BCAS3: variants seen among roughly 807,000 people sequenced by gnomAD.
BCAS3 encodes BCAS3 microtubule associated cell migration factor.
BCAS3 carries 53 observed loss-of-function variants against 116.1 expected under a neutral mutation model. The ratio of observed to expected loss-of-function variants is 0.46; its 90% CI spans 0.37 to 0.57. The LOEUF is 0.57. Ranked by LOEUF, BCAS3 falls within the 20% of genes least tolerant of loss-of-function variation. The pLI is 0.00. For synonymous variants in BCAS3, 391 were observed against 408.2 expected, an observed-to-expected ratio of 0.96 and a Z score of 0.51; for missense variants, 917 against 1,165.4, an observed-to-expected ratio of 0.79 and a Z score of 3.10.
chr17:61,067,910 A>C (rs995268228), intron 19 of BCAS3, among the ~76,000 whole-genome samples: 1 of 152,050 alleles, frequency 6.6e-6, no homozygotes, highest in Non-Finnish European at 1.5e-5. Context: ...TGATCTACTC[A>C]TCCTGCCTTT....
chr17:60,975,191 C>T (rs908266852), intron 14 of BCAS3, among the ~76,000 whole-genome samples: 7 of 151,456 alleles, frequency 4.6e-5, no homozygotes, highest in Non-Finnish European at 1.0e-4. Flanking sequence ...TTAGTAGAGA[C>T]GGGGTTTCAC....
At chr17:61,269,846 C>T (rs1040791154) in intron 22 of BCAS3, among the ~76,000 whole-genome samples, 4 of 150,918 alleles carry the variant, frequency 2.7e-5, no homozygotes, top group Non-Finnish European at 4.4e-5. Flanking sequence ...CTCTGTTGCC[C>T]AGGCTGGAGT....
At position 61,038,667 on chromosome 17, in the gene BCAS3, TG is replaced by T. The variant is rs1271366503; in HGVS notation, c.1928+614del. 2.1e-3 allele frequency among the ~76,000 whole-genome samples: 279 copies of T among 134,166 alleles called. 3 individuals carry two copies. Among genetic ancestry groups the T allele is most frequent in the African/African-American group, 9.7e-3 (255 of 26,262 alleles). 88.0% of individuals were successfully genotyped at this position (134,166 alleles called of 152,430 possible). ...CTTTTTTTTGTTTTGTTTTTGTTTT[TG>T]TTTTTTTTTTTTTTTTTTTGGAGAC... On this transcript the variant is annotated intron_variant, in intron 18 of 23. Coordinates refer to ENST00000407086, the MANE Select transcript of BCAS3 (RefSeq NM_017679.5).
chr17:61,089,675 C>G (rs1369098724), intron 22 of BCAS3, among the ~76,000 whole-genome samples: 1 of 151,508 alleles, frequency 6.6e-6, no homozygotes, highest in African/African-American at 2.4e-5. Flanking sequence ...AATTAACAGG[C>G]ACGCGCCACC....
intron 7 of BCAS3, among the ~76,000 whole-genome samples, chr17:60,862,297 C>A (rs1213299375): frequency 6.6e-6 from 1 of 151,966 alleles, no homozygotes; most frequent in African/African-American, 2.4e-5. Context: ...AACAAACAAA[C>A]AAAAAACAGA....
intron 13 of BCAS3, among the ~76,000 whole-genome samples, chr17:60,946,069 T>G (rs56218356): frequency 0.31 from 47,286 of 151,480 alleles, 12,307 homozygotes; most frequent in African/African-American, 0.72. Context: ...GCAGTGGGCG[T>G]AGATCGCGCC....
chr17:60,809,220 G>A (rs2048562055), intron 7 of BCAS3, among the ~76,000 whole-genome samples: 1 of 149,880 alleles, frequency 6.7e-6, no homozygotes, highest in African/African-American at 2.5e-5. Flanking sequence ...GGAGGCAGAG[G>A]TTGCAGTGCA....
intron 22 of BCAS3, among the ~76,000 whole-genome samples, chr17:61,169,534 A>G (rs2078714300): frequency 6.6e-6 from 1 of 152,178 alleles, no homozygotes; most frequent in African/African-American, 2.4e-5. Context: ...TGGCCTCCCA[A>G]AGTGCTAGGA....
In BCAS3 at chr17:61,203,136, C is replaced by T. The variant is rs1164464265; in HGVS notation, c.2425+118572C>T. On this transcript the variant is annotated intron_variant, in intron 22 of 23. Transcript: ENST00000407086. This position sits in a 1 kb window ranked among gnomAD's most constrained non-coding sequence, Gnocchi z 5.7. ...GATCTAAAAGGGAATAGTTTTTTCC[C>T]CTCACAATTTCAAGACTTCTCTTTT... 1.3e-5 allele frequency among the ~76,000 whole-genome samples: 2 copies of T among 151,796 alleles called. No homozygotes were observed. Among genetic ancestry groups the T allele is most frequent in the East Asian group, 3.9e-4 (2 of 5,188 alleles).
chr17:61,286,485 C>T lies in BCAS3; in HGVS notation c.2426-81842C>T, dbSNP rs1445340885. On this transcript the variant is annotated intron_variant, in intron 22 of 23. Transcript: ENST00000407086. The surrounding 1 kb of genome is among the most constrained non-coding windows in gnomAD (Gnocchi z 4.8). ...TTATGACCCTGGAGGCCATCGATAA[C>T]TGGACCTAGAAGGGTTTCTCCAGAT... Among the ~76,000 whole-genome samples, 1 of 152,182 alleles carries T rather than the reference C, an allele frequency of 6.6e-6. No individual in the cohort carries two copies. The highest frequency in any genetic ancestry group is 1.5e-5 in the Non-Finnish European group (1 of 68,040).
At position 61,144,560 on chromosome 17, in the gene BCAS3, A is replaced by C. The variant is rs1253427116; in HGVS notation, c.2425+59996A>C. 6.6e-6 allele frequency among the ~76,000 whole-genome samples: 1 copy of C among 152,220 alleles called. No individual in the cohort carries two copies. Among genetic ancestry groups the C allele is most frequent in the Non-Finnish European group, 1.5e-5 (1 of 68,038 alleles). On this transcript the variant is annotated intron_variant, in intron 22 of 23. Transcript: ENST00000407086. This position sits in a 1 kb window ranked among gnomAD's most constrained non-coding sequence, Gnocchi z 5.0. ...ACTTTATCTCTGTTACCTTTCTGAA[A>C]TGTTTGGCCTAATATTTTTTATAAC...
chr17:60,975,562 T>TA (rs2062286797), intron 14 of BCAS3, among the ~76,000 whole-genome samples: 1 of 152,230 alleles, frequency 6.6e-6, no homozygotes, highest in South Asian at 2.1e-4. Context: ...TTCACATACA[T>TA]AAAGTTCACC....
rs115321726 is a variant in BCAS3, at chr17:61,368,636, A to G, written c.2593+142A>G. 2,024 of 1,009,490 alleles carry G rather than the reference A, an allele frequency of 2.0e-3. 24 individuals carry two copies. In the African/African-American group the frequency reaches 0.029, roughly 14 times the overall value. 62.5% of individuals were successfully genotyped at this position (1,009,490 alleles called of 1,614,324 possible). ...TAGCACTCCAGTGGCTATCCGTCTG[A>G]GGAGCTCTGGTGTTGGGAAACCCTG... is the stretch of plus-strand genomic sequence containing the variant. On this transcript the variant is annotated intron_variant, in intron 23 of 23. Transcript: ENST00000407086. This position sits in a 1 kb window ranked among gnomAD's most constrained non-coding sequence, Gnocchi z 6.0.
intron 23 of BCAS3, among the ~76,000 whole-genome samples, chr17:61,370,134 A>G (rs542179083): frequency 7.9e-5 from 12 of 152,234 alleles, no homozygotes; most frequent in Non-Finnish European, 1.8e-4. Context: ...TGCATCTGCC[A>G]GACAGCTGAG....
At chr17:60,787,013 ATTTTG>A (rs1376060949) in intron 6 of BCAS3, among the ~76,000 whole-genome samples, 1 of 152,140 alleles carries the variant, frequency 6.6e-6, no homozygotes, top group Admixed American at 6.5e-5. Flanking sequence ...GATTATTAAT[ATTTTG>A]TTTTATTTTG....
At chr17:60,795,004 T>C (rs763128194) in intron 6 of BCAS3, among the ~76,000 whole-genome samples, 7 of 152,184 alleles carry the variant, frequency 4.6e-5, no homozygotes, top group Non-Finnish European at 1.0e-4. Flanking sequence ...AGTATGGTCA[T>C]TTTCACAATA....
At chr17:61,172,825 A>C (rs527673584) in intron 22 of BCAS3, among the ~76,000 whole-genome samples, 6 of 151,826 alleles carry the variant, frequency 4.0e-5, no homozygotes, top group Admixed American at 6.6e-5. Flanking sequence ...TCTACTAAAA[A>C]TACAAAAAGA....
chr17:60,966,588 A>G (rs2061672337), intron 14 of BCAS3, among the ~76,000 whole-genome samples: 1 of 152,190 alleles, frequency 6.6e-6, no homozygotes, highest in Non-Finnish European at 1.5e-5. Flanking sequence ...CTTAGATCAC[A>G]AATAGAAGAG....
At chr17:60,717,543 C>CA (rs1422262201) in intron 5 of BCAS3, among the ~76,000 whole-genome samples, 1 of 151,976 alleles carries the variant, frequency 6.6e-6, no homozygotes, top group Non-Finnish European at 1.5e-5. Context: ...TTAAGAACAG[C>CA]AAGGAGGCAG....
Sources: gnomAD v4.1 joint callset for allele counts (sites outside exome capture counted in the v4.1 genomes callset) on GRCh38, gnomAD v4.1.1 for gene constraint, Gnocchi (gnomAD v3.1) non-coding constraint, MANE v1.5 for transcripts, NCBI Gene and HGNC (gene_info 2026-07-23, HGNC 2026-07-21) for gene names.